PRKG1: variants seen among roughly 807,000 people sequenced by gnomAD.
The protein encoded by PRKG1 is cGMP-dependent protein kinase 1.
A neutral mutation model predicts 88.1 loss-of-function variants in PRKG1; 35 were observed. That is an observed-to-expected ratio of 0.40 (90% CI 0.30 to 0.53). The LOEUF (loss-of-function observed/expected upper bound fraction) is 0.53. Ranked by LOEUF, PRKG1 falls within the 20% of genes least tolerant of loss-of-function variation. The probability of loss-of-function intolerance (pLI) is 0.59; values close to 1 mark genes in which losing one functional copy is unlikely to be tolerated. For missense variants in PRKG1, 540 were observed against 839.8 expected, an observed-to-expected ratio of 0.64 and a Z score of 4.41; for synonymous variants, 303 against 292.5, an observed-to-expected ratio of 1.04 and a Z score of -0.37.
intron 2 of PRKG1, among the ~76,000 whole-genome samples, chr10:51,233,791 A>G (rs1405755976): frequency 2.0e-5 from 3 of 152,148 alleles, no homozygotes; most frequent in Non-Finnish European, 2.9e-5. Context: ...GCTGTCTAAC[A>G]AAACATTTTC....
chr10:51,136,119 A>C (rs922506332), intron 1 of PRKG1, among the ~76,000 whole-genome samples: 2 of 152,124 alleles, frequency 1.3e-5, no homozygotes, highest in Admixed American at 6.5e-5. Flanking sequence ...AAGTATAATA[A>C]TAATAAAATA....
chr10:51,997,469 C>CAAAAAAAAAAA (rs200543963), intron 5 of PRKG1, among the ~76,000 whole-genome samples: 1 of 71,636 alleles, frequency 1.4e-5, no homozygotes. Context: ...GACTCTGTCT[C>CAAAAAAAAAAA]AAAAAAAAAA....
At chr10:51,381,509 A>G (rs753142647) in intron 2 of PRKG1, among the ~76,000 whole-genome samples, 1 of 152,034 alleles carries the variant, frequency 6.6e-6, no homozygotes, top group African/African-American at 2.4e-5. Flanking sequence ...ACTAGATCCC[A>G]GTGCAGAATT....
intron 2 of PRKG1, among the ~76,000 whole-genome samples, chr10:51,156,974 A>C (rs1846230682): frequency 6.6e-6 from 1 of 152,016 alleles, no homozygotes; most frequent in South Asian, 2.1e-4. Flanking sequence ...GTTTATGTGG[A>C]AAATCAGTCC....
At chr10:51,210,578 T>C (rs920000038) in intron 2 of PRKG1, among the ~76,000 whole-genome samples, 30 of 152,018 alleles carry the variant, frequency 2.0e-4, no homozygotes, top group African/African-American at 7.3e-4. Context: ...GCAAGACTAA[T>C]ATAGAAGAAA....
At chr10:51,166,031 C>T (rs1417674876) in intron 2 of PRKG1, among the ~76,000 whole-genome samples, 1 of 150,556 alleles carries the variant, frequency 6.6e-6, no homozygotes, top group East Asian at 1.9e-4. Flanking sequence ...TTCAATGTTA[C>T]ACTTTATATT....
In PRKG1 at chr10:51,112,858, C is replaced by T. The variant is rs573348935; in HGVS notation, c.311+37957C>T. The stretch of plus-strand genomic sequence containing the variant: ...TTTCCAAATTCATATGAATGCTAGA[C>T]TAGTTTGACATAGTATATAGAAAGA... On this transcript the variant is annotated intron_variant, in intron 1 of 17. Transcript: ENST00000373980. Among the ~76,000 whole-genome samples the T allele has an allele frequency of 1.6e-4, 24 of 152,228 alleles. 1 individual carries two copies. The South Asian group carries it at 4.8e-3, about 30-fold the overall frequency.
At chr10:52,186,679 C>T (rs1176865836) in intron 9 of PRKG1, among the ~76,000 whole-genome samples, 2 of 151,972 alleles carry the variant, frequency 1.3e-5, no homozygotes, top group Non-Finnish European at 1.5e-5. Context: ...CATCCCAACT[C>T]TTGAGTTATG....
At chr10:52,172,488 C>A (rs1277702518) in intron 9 of PRKG1, among the ~76,000 whole-genome samples, 2 of 152,178 alleles carry the variant, frequency 1.3e-5, no homozygotes, top group African/African-American at 2.4e-5. Context: ...CAGAGAACAG[C>A]CCGATACATG....
At chr10:51,247,396 A>T (rs1839318890) in intron 2 of PRKG1, among the ~76,000 whole-genome samples, 1 of 152,038 alleles carries the variant, frequency 6.6e-6, no homozygotes, top group Non-Finnish European at 1.5e-5. Context: ...GAGATTAAAG[A>T]ATTACATGAG....
chr10:51,196,099 A>G (rs1301825376), intron 2 of PRKG1, among the ~76,000 whole-genome samples: 1 of 152,206 alleles, frequency 6.6e-6, no homozygotes, highest in African/African-American at 2.4e-5. Context: ...AAGAAGTAGA[A>G]AGGAGCAGGA....
chr10:51,710,479 A>G (rs1477689049), intron 3 of PRKG1, among the ~76,000 whole-genome samples: 1 of 152,202 alleles, frequency 6.6e-6, no homozygotes, highest in African/African-American at 2.4e-5. Flanking sequence ...TCAGCATAAC[A>G]CTAACAGCTC....
intron 4 of PRKG1, among the ~76,000 whole-genome samples, chr10:51,903,041 C>G (rs1842013936): frequency 6.6e-6 from 1 of 151,788 alleles, no homozygotes; most frequent in Non-Finnish European, 1.5e-5. Flanking sequence ...TTTTTTGTAC[C>G]TAGGTTTTCC....
At chr10:52,293,452 A>C (rs960385784) in intron 17 of PRKG1, among the ~76,000 whole-genome samples, 2 of 152,190 alleles carry the variant, frequency 1.3e-5, no homozygotes, top group Non-Finnish European at 2.9e-5. Flanking sequence ...CTGCATCGCC[A>C]AGTCAATCCT....
intron 3 of PRKG1, among the ~76,000 whole-genome samples, chr10:51,519,087 G>C (rs548146279): frequency 6.6e-6 from 1 of 152,232 alleles, no homozygotes; most frequent in East Asian, 1.9e-4. Flanking sequence ...ATATTTTATG[G>C]AAGAAGTTTG....
At chr10:51,476,310 G>T (rs561662845) in intron 3 of PRKG1, among the ~76,000 whole-genome samples, 2 of 152,134 alleles carry the variant, frequency 1.3e-5, no homozygotes, top group African/African-American at 4.8e-5. Flanking sequence ...CACTGTGAAG[G>T]TGACAATAGA....
At chr10:51,265,290 C>G (rs1267541429) in intron 2 of PRKG1, among the ~76,000 whole-genome samples, 2 of 152,052 alleles carry the variant, frequency 1.3e-5, no homozygotes, top group Non-Finnish European at 2.9e-5. Context: ...ACATAACATA[C>G]AAAGACTACT....
chr10:51,501,791 T>TC (rs1491184627), intron 3 of PRKG1, among the ~76,000 whole-genome samples: 24 of 28,688 alleles, frequency 8.4e-4, no homozygotes, highest in Admixed American at 9.2e-4. Context: ...CTTTAGTTTC[T>TC]TTTTTTTTTT....
intron 3 of PRKG1, among the ~76,000 whole-genome samples, chr10:51,558,893 C>G (rs74595603): frequency 6.1e-4 from 93 of 152,182 alleles, no homozygotes; most frequent in Non-Finnish European, 1.1e-3. Context: ...CAGTAGTCCT[C>G]TCTTATCCAA....
Sources: gnomAD v4.1 joint callset for allele counts (sites outside exome capture counted in the v4.1 genomes callset) on GRCh38, gnomAD v4.1.1 for gene constraint, MANE v1.5 for transcripts, NCBI Gene and HGNC (gene_info 2026-07-23, HGNC 2026-07-21) for gene names.